Variants in SLCO3A1 observed in about 807,000 individuals in gnomAD.
SLCO3A1 encodes solute carrier organic anion transporter family member 3A1.
SLCO3A1 carries 27 observed loss-of-function variants against 63.1 expected under a neutral mutation model. The ratio of observed to expected loss-of-function variants is 0.43; its 90% CI spans 0.32 to 0.59. The LOEUF is 0.59. SLCO3A1 is among the 20% of genes least tolerant of loss of function. The pLI, the probability that SLCO3A1 is intolerant of heterozygous loss-of-function variation, is 0.09. For synonymous variants in SLCO3A1, 473 were observed against 409.9 expected (o/e 1.15, Z -1.86); for missense variants, 773 against 945.8 (o/e 0.82, Z 2.40).
At chr15:92,096,629 C>G (rs970377937) in intron 3 of SLCO3A1, among the ~76,000 whole-genome samples, 1 of 152,212 alleles carries the variant, frequency 6.6e-6, no homozygotes, top group Non-Finnish European at 1.5e-5. Context: ...TAAGAATTCT[C>G]AGTCCCCAGG....
chr15:92,141,512 T>G (rs4777789), intron 7 of SLCO3A1, among the ~76,000 whole-genome samples: 77,048 of 151,990 alleles, frequency 0.51, 20,389 homozygotes, highest in African/African-American at 0.67. Context: ...CCCCTTAAAT[T>G]AGACTGCTGT....
Position 91,856,688 on chromosome 15 carries a change from G to A in SLCO3A1, c.180+2600G>A, listed in dbSNP as rs576883154. The stretch of plus-strand genomic sequence containing the variant: ...TCCACGTGCTAAGTGTGCGTTATAC[G>A]TGATCCTTACCTTGGCAATCAGCCT... On this transcript the variant is annotated intron_variant, in intron 1 of 9. Transcript: ENST00000318445. The surrounding 1 kb of genome is among the most constrained non-coding windows in gnomAD (Gnocchi z 4.9). Among the ~76,000 whole-genome samples the A allele has an allele frequency of 3.3e-5, 5 of 152,260 alleles. No homozygotes were observed. The South Asian group carries it at 6.2e-4, about 19-fold the overall frequency.
At chr15:92,047,725 A>G (rs1333646438) in intron 2 of SLCO3A1, among the ~76,000 whole-genome samples, 2 of 143,478 alleles carry the variant, frequency 1.4e-5, no homozygotes, top group Non-Finnish European at 3.0e-5. Context: ...TTCAAAACCT[A>G]TGTGATTCGA....
chr15:91,947,413 T>C (rs1016836960), intron 2 of SLCO3A1, among the ~76,000 whole-genome samples: 1 of 152,184 alleles, frequency 6.6e-6, no homozygotes, highest in Non-Finnish European at 1.5e-5. Flanking sequence ...AGAGTTAGTG[T>C]CTTTTAGCTT....
chr15:92,020,292 C>G (rs189387749), intron 2 of SLCO3A1, among the ~76,000 whole-genome samples: 46 of 152,246 alleles, frequency 3.0e-4, no homozygotes, highest in African/African-American at 1.1e-3. Flanking sequence ...ATCCATCCAT[C>G]TATATTTTCC....
Position 91,873,531 on chromosome 15 carries a change from T to TACACACACACAC in SLCO3A1, c.180+19467_180+19478dup, listed in dbSNP as rs71912147. On this transcript the variant is annotated intron_variant, in intron 1 of 9. Coordinates refer to ENST00000318445, the MANE Select transcript of SLCO3A1 (RefSeq NM_013272.4). ...TGCTTCATATATACAGCTACATTCA[T>TACACACACACAC]ACACACACACACACACACACACACA... is the stretch of plus-strand genomic sequence containing the variant. Among the ~76,000 whole-genome samples the TACACACACACAC allele has an allele frequency of 2.4e-3, 359 of 146,744 alleles. 1 individual carries two copies. The highest frequency in any genetic ancestry group is 7.7e-3 in the African/African-American group (306 of 39,950).
At chr15:92,036,268 T>C (rs1413950315) in intron 2 of SLCO3A1, among the ~76,000 whole-genome samples, 1 of 152,174 alleles carries the variant, frequency 6.6e-6, no homozygotes, top group African/African-American at 2.4e-5. Context: ...AAATGTAATA[T>C]GTGTGCTGCT....
At chr15:91,933,450 C>A (rs567806437) in intron 2 of SLCO3A1, among the ~76,000 whole-genome samples, 1 of 152,222 alleles carries the variant, frequency 6.6e-6, no homozygotes, top group South Asian at 2.1e-4. Flanking sequence ...TGACCAAATA[C>A]ATTTATATAT....
At chr15:92,028,573 A>G (rs1229564069) in intron 2 of SLCO3A1, among the ~76,000 whole-genome samples, 2 of 152,178 alleles carry the variant, frequency 1.3e-5, no homozygotes, top group Non-Finnish European at 2.9e-5. Flanking sequence ...CAGATCTGAG[A>G]GACAGTCTAA....
chr15:92,085,561 G>T (rs1047462876), intron 2 of SLCO3A1, among the ~76,000 whole-genome samples: 1 of 152,198 alleles, frequency 6.6e-6, no homozygotes, highest in Non-Finnish European at 1.5e-5. Flanking sequence ...TCCAACTGGC[G>T]TCACACAGCA....
chr15:92,137,208 G>A (rs973888978), intron 7 of SLCO3A1, among the ~76,000 whole-genome samples: 1 of 133,888 alleles, frequency 7.5e-6, no homozygotes, highest in Admixed American at 7.9e-5. Flanking sequence ...CCACCTATGA[G>A]TGAGAATATG....
intron 7 of SLCO3A1, among the ~76,000 whole-genome samples, chr15:92,141,036 C>G (rs1484370373): frequency 2.6e-5 from 4 of 152,206 alleles, no homozygotes; most frequent in Non-Finnish European, 1.5e-5. Flanking sequence ...CCTGTTCCCC[C>G]TGTCCTCCGG....
chr15:91,975,146 T>C (rs1370565667), intron 2 of SLCO3A1, among the ~76,000 whole-genome samples: 1 of 152,240 alleles, frequency 6.6e-6, no homozygotes, highest in Admixed American at 6.5e-5. Context: ...AGTGTTATTC[T>C]CTTTTTACCA....
intron 2 of SLCO3A1, among the ~76,000 whole-genome samples, chr15:92,083,016 A>G (rs537006462): frequency 6.6e-6 from 1 of 152,328 alleles, no homozygotes; most frequent in Non-Finnish European, 1.5e-5. Context: ...ATAAATCAGA[A>G]GGGGCAGAGA....
chr15:91,984,586 A>G (rs2046027160), intron 2 of SLCO3A1, among the ~76,000 whole-genome samples: 2 of 151,950 alleles, frequency 1.3e-5, no homozygotes, highest in South Asian at 4.1e-4. Flanking sequence ...CATAGAAGGC[A>G]TATTATAAAA....
chr15:92,119,936 A>C (rs984114131), intron 4 of SLCO3A1, among the ~76,000 whole-genome samples: 1 of 152,174 alleles, frequency 6.6e-6, no homozygotes, highest in Non-Finnish European at 1.5e-5. Flanking sequence ...AGGCATGTAC[A>C]CATTTTGGAG....
chr15:91,941,660 A>G lies in SLCO3A1; in HGVS notation c.646+25202A>G. On this transcript the variant is annotated intron_variant, in intron 2 of 9. Transcript: ENST00000318445. The surrounding 1 kb of genome is among the most constrained non-coding windows in gnomAD (Gnocchi z 4.4). ...GGTTTTGTACTTTTTCTTACTCGGG[A>G]TGTTTGTTTCTCTTTGTCTTTAAAA... 1 of 395,276 alleles carries G rather than the reference A, an allele frequency of 2.5e-6. No individual in the cohort carries two copies. The allele number at this position is 395,276 out of a possible 1,614,324, so 24.5% of individuals were successfully genotyped here. A position where few individuals can be genotyped will look rare whatever the true frequency, so the allele number is the denominator to read the frequency against.
intron 1 of SLCO3A1, among the ~76,000 whole-genome samples, chr15:91,911,972 A>G (rs973056513): frequency 6.6e-6 from 1 of 150,746 alleles, no homozygotes; most frequent in Non-Finnish European, 1.5e-5. Flanking sequence ...CTGAAATGCA[A>G]GCTGATTTTT....
At chr15:91,997,172 T>C (rs1190093704) in intron 2 of SLCO3A1, among the ~76,000 whole-genome samples, 3 of 152,208 alleles carry the variant, frequency 2.0e-5, no homozygotes, top group Admixed American at 2.0e-4. Flanking sequence ...GCAAAATCAA[T>C]GTACAAAAAT....
Sources: allele counts gnomAD v4.1 joint callset (sites outside exome capture counted in the v4.1 genomes callset), GRCh38; gene constraint gnomAD v4.1.1; non-coding constraint Gnocchi (gnomAD v3.1); transcripts MANE v1.5; gene names NCBI Gene and HGNC (gene_info 2026-07-23, HGNC 2026-07-21).